PTPRU: variants seen among roughly 807,000 people sequenced by gnomAD.
PTPRU encodes the protein protein tyrosine phosphatase receptor type U.
Under a neutral mutation model 166.3 loss-of-function variants are expected in PTPRU, and 69 were observed. The observed-to-expected ratio is 0.41, with a 90% CI of 0.34 to 0.51. PTPRU has a LOEUF of 0.51. Ranked by LOEUF, PTPRU falls within the 20% of genes least tolerant of loss-of-function variation. The pLI, the probability that PTPRU is intolerant of heterozygous loss-of-function variation, is 0.09. For synonymous variants in PTPRU, 793 were observed against 814.0 expected (o/e 0.97, Z 0.44); for missense variants, 1,657 against 2,013.7 (o/e 0.82, Z 3.39).
intron 11 of PTPRU, among the ~76,000 whole-genome samples, chr1:29,281,118 G>C (rs189170199): frequency 1.8e-4 from 27 of 148,758 alleles, no homozygotes; most frequent in Admixed American, 1.8e-3. Flanking sequence ...GCCTTTAGGT[G>C]GGGGGGGTGT....
At position 29,260,913 on chromosome 1, in the gene PTPRU, G is replaced by A; in HGVS notation, c.1144+10G>A. 1 of 1,537,314 alleles carries A rather than the reference G, an allele frequency of 6.5e-7. No individual in the cohort carries two copies. Among genetic ancestry groups the A allele is most frequent in the South Asian group, 1.2e-5 (1 of 80,804 alleles). ...CGCACCAAATGCGCAGGTGGGTGCA[G>A]CAGCTACCCCTGGCCTCAGTCTCTG... On this transcript the variant is annotated intron_variant, in intron 7 of 29. Transcript: ENST00000373779. This position sits in a 1 kb window ranked among gnomAD's most constrained non-coding sequence, Gnocchi z 8.3.
chr1:29,268,609 C>T (rs962392107), intron 7 of PTPRU, among the ~76,000 whole-genome samples: 1 of 152,198 alleles, frequency 6.6e-6, no homozygotes, highest in Admixed American at 6.5e-5. Context: ...TTGGAGCCTC[C>T]AGTGTTTTGG....
At chr1:29,249,669 A>C (rs1684463485) in intron 1 of PTPRU, among the ~76,000 whole-genome samples, 2 of 152,122 alleles carry the variant, frequency 1.3e-5, no homozygotes, top group Admixed American at 1.3e-4. Context: ...TGCCGTTTAC[A>C]TCCTGGAAGG....
rs986227617 is a variant in PTPRU at position 29,238,648 on chromosome 1, G to T, written c.73+1931G>T. On this transcript the variant is annotated intron_variant, in intron 1 of 29. Transcript: ENST00000373779. The surrounding 1 kb of genome is among the most constrained non-coding windows in gnomAD (Gnocchi z 6.1). Reference sequence around the variant, plus strand: ...GCACAGCTTTAGCTTTGACCTCCCCGTTCCCGAAAGGACGCCCAAGGCGAC... The same window carrying T: ...GCACAGCTTTAGCTTTGACCTCCCCTTTCCCGAAAGGACGCCCAAGGCGAC... 2.6e-5 allele frequency among the ~76,000 whole-genome samples: 4 copies of T among 152,102 alleles called. No individual in the cohort carries two copies. The highest frequency in any genetic ancestry group is 9.7e-5 in the African/African-American group (4 of 41,424).
At chr1:29,266,844 A>T (rs1685327584) in intron 7 of PTPRU, among the ~76,000 whole-genome samples, 1 of 152,166 alleles carries the variant, frequency 6.6e-6, no homozygotes, top group African/African-American at 2.4e-5. Context: ...CAAGTGAAGT[A>T]TACAGTTGGC....
At chr1:29,319,805 G>A (rs1468383863) in intron 25 of PTPRU, among the ~76,000 whole-genome samples, 1 of 152,074 alleles carries the variant, frequency 6.6e-6, no homozygotes, top group African/African-American at 2.4e-5. Context: ...AGGTCAGGAG[G>A]AAGACTGGGG....
At chr1:29,272,091 C>T (rs931391298) in intron 7 of PTPRU, among the ~76,000 whole-genome samples, 2 of 152,218 alleles carry the variant, frequency 1.3e-5, no homozygotes, top group South Asian at 2.1e-4. Flanking sequence ...GCGAGGACCT[C>T]TGGGAAAGAT....
In PTPRU at chr1:29,291,173, G is replaced by T. The variant is rs1686610295; in HGVS notation, c.2319-696G>T. On this transcript the variant is annotated intron_variant, in intron 14 of 29. Transcript: ENST00000373779. This position sits in a 1 kb window ranked among gnomAD's most constrained non-coding sequence, Gnocchi z 4.1. ...CTCTTTCTCTTCCCTGCTGCTCTGA[G>T]CAGCAGGACGGACTGGTGGGCAGTG... Among the ~76,000 whole-genome samples the T allele has an allele frequency of 1.3e-5, 2 of 152,198 alleles. No homozygotes were observed. Among genetic ancestry groups the T allele is most frequent in the Admixed American group, 1.3e-4 (2 of 15,286 alleles).
chr1:29,301,214 G>T (rs904760494), intron 15 of PTPRU, among the ~76,000 whole-genome samples: 4 of 152,180 alleles, frequency 2.6e-5, no homozygotes, highest in Non-Finnish European at 5.9e-5. Flanking sequence ...GTACAATCAT[G>T]CACTGCATAA....
chr1:29,241,987 G>C (rs1057441855), intron 1 of PTPRU, among the ~76,000 whole-genome samples: 1 of 151,152 alleles, frequency 6.6e-6, no homozygotes, highest in African/African-American at 2.4e-5. Flanking sequence ...TGCCTCCTGG[G>C]TTCAAGCGAT....
intron 7 of PTPRU, among the ~76,000 whole-genome samples, chr1:29,268,075 C>T (rs567375069): frequency 1.1e-3 from 162 of 152,250 alleles, no homozygotes; most frequent in African/African-American, 3.7e-3. Context: ...TTTCCTGGAG[C>T]GGACTGTGGT....
At chr1:29,303,013 C>T (rs1395738325) in intron 15 of PTPRU, among the ~76,000 whole-genome samples, 5 of 152,214 alleles carry the variant, frequency 3.3e-5, no homozygotes, top group African/African-American at 9.6e-5. Context: ...GCTCTACTAT[C>T]TGAGTTTGTG....
At chr1:29,247,597 C>T (rs1221590881) in intron 1 of PTPRU, among the ~76,000 whole-genome samples, 1 of 151,662 alleles carries the variant, frequency 6.6e-6, no homozygotes, top group African/African-American at 2.4e-5. Context: ...GTCTGTGGGG[C>T]AGATCTGTGA....
rs1294496129 is a variant in PTPRU, at chr1:29,280,778, TGTGTGTGA to T, written c.1868+639_1868+646del. Among the ~76,000 whole-genome samples, 2 of 151,998 alleles carry T rather than the reference TGTGTGTGA, an allele frequency of 1.3e-5. No homozygotes were observed. Among genetic ancestry groups the T allele is most frequent in the Non-Finnish European group, 1.5e-5 (1 of 67,964 alleles). On this transcript the variant is annotated intron_variant, in intron 11 of 29. Transcript: ENST00000373779. The surrounding 1 kb of genome is among the most constrained non-coding windows in gnomAD (Gnocchi z 4.2). ...CGTATATGGGAGACATAAGTGTGCA[TGTGTGTGA>T]GAGTGTGAGGGTGTTTGTGCAACTG...
intron 18 of PTPRU, among the ~76,000 whole-genome samples, chr1:29,307,689 G>T (rs971393256): frequency 1.3e-5 from 2 of 150,292 alleles, no homozygotes; most frequent in Non-Finnish European, 3.0e-5. Context: ...CCTCAATTTA[G>T]CCTTAATTTG....
intron 15 of PTPRU, among the ~76,000 whole-genome samples, chr1:29,294,948 C>T (rs7518159): frequency 0.29 from 43,702 of 152,082 alleles, 7,590 homozygotes; most frequent in East Asian, 0.64. Context: ...GTCTAATTAT[C>T]GAGGCTATTT....
chr1:29,239,778 C>T (rs1255664582), intron 1 of PTPRU, among the ~76,000 whole-genome samples: 3 of 152,156 alleles, frequency 2.0e-5, no homozygotes, highest in Non-Finnish European at 4.4e-5. Context: ...CTGTCTCCTT[C>T]TGTCCGTCCT....
At chr1:29,304,893 A>T in intron 17 of PTPRU, 44 bp downstream of exon 17, 55 of 1,461,542 alleles carry the variant, frequency 3.8e-5, no homozygotes, top group Middle Eastern at 1.8e-4. Flanking sequence ...AGTGGGTGGG[A>T]GGGCATCAGG....
chr1:29,246,296 C>T (rs568989499), intron 1 of PTPRU, among the ~76,000 whole-genome samples: 32 of 152,350 alleles, frequency 2.1e-4, no homozygotes, highest in African/African-American at 6.3e-4. Context: ...TGTAGGCTGG[C>T]GTCCTTTTCC....
Sources: gnomAD v4.1 joint callset for allele counts (sites outside exome capture counted in the v4.1 genomes callset) on GRCh38, gnomAD v4.1.1 for gene constraint, Gnocchi (gnomAD v3.1) non-coding constraint, MANE v1.5 for transcripts, NCBI Gene and HGNC (gene_info 2026-07-23, HGNC 2026-07-21) for gene names.